LANCL2: variants seen among roughly 807,000 people sequenced by gnomAD.
LANCL2 encodes the protein LanC like glutathione S-transferase 2.
Under a neutral mutation model 56.9 loss-of-function variants are expected in LANCL2, and 33 were observed. That is an observed-to-expected ratio of 0.58 (90% CI 0.44 to 0.78). The LOEUF (loss-of-function observed/expected upper bound fraction) is 0.78, where lower values mean the gene tolerates loss of function less well. Among genes scored for constraint, LANCL2 ranks in the 30% least tolerant of loss-of-function variants. LANCL2 has a pLI of 0.00. For missense variants in LANCL2, 562 were observed against 580.2 expected, an observed-to-expected ratio of 0.97 and a Z score of 0.32; for synonymous variants, 233 against 228.2, an observed-to-expected ratio of 1.02 and a Z score of -0.19.
Position 55,401,161 on chromosome 7 carries a change from G to T in LANCL2, c.679-13G>T. On this transcript the variant is annotated splice_polypyrimidine_tract_variant and intron_variant, in intron 4 of 8. Transcript: ENST00000254770. Reference sequence around the variant, plus strand: ...TACAGTTTTAGATTTATGCTGTCTTGTTATCTCTGTAGGTAGTCAATGCTA... The same window carrying T: ...TACAGTTTTAGATTTATGCTGTCTTTTTATCTCTGTAGGTAGTCAATGCTA... The T allele has an allele frequency of 6.2e-7, 1 of 1,612,724 alleles. No homozygotes were observed. Among genetic ancestry groups the T allele is most frequent in the Non-Finnish European group, 8.5e-7 (1 of 1,178,904 alleles).
chr7:55,423,332 G>A (rs756227058), intron 6 of LANCL2, among the ~76,000 whole-genome samples: 4 of 152,158 alleles, frequency 2.6e-5, no homozygotes, highest in African/African-American at 7.2e-5. Flanking sequence ...GCGCAGGGAC[G>A]GCATGAAGGA....
intron 1 of LANCL2, among the ~76,000 whole-genome samples, chr7:55,369,257 A>G (rs1298043071): frequency 2.0e-5 from 3 of 152,180 alleles, no homozygotes; most frequent in African/African-American, 7.2e-5. Flanking sequence ...GTTAATTTGT[A>G]AGTTAAGCAT....
chr7:55,406,740 A>G (rs1033784068), intron 5 of LANCL2, among the ~76,000 whole-genome samples: 8 of 152,218 alleles, frequency 5.3e-5, no homozygotes, highest in African/African-American at 1.7e-4. Flanking sequence ...AAAGAACTCC[A>G]CTTTCATGAT....
chr7:55,405,862 AG>A (rs1222492766), intron 5 of LANCL2, among the ~76,000 whole-genome samples: 4 of 150,758 alleles, frequency 2.7e-5, no homozygotes, highest in African/African-American at 9.8e-5. Flanking sequence ...AGATTGAGCC[AG>A]GTTTTCTTTC....
intron 1 of LANCL2, among the ~76,000 whole-genome samples, chr7:55,366,961 C>T (rs1789881746): frequency 6.6e-6 from 1 of 152,160 alleles, no homozygotes; most frequent in South Asian, 2.1e-4. Context: ...CTCCGCCTTG[C>T]TCGGCTCTGG....
intron 7 of LANCL2, 112 bp downstream of exon 7, chr7:55,425,542 T>A: frequency 1.0e-6 from 1 of 967,964 alleles, no homozygotes; most frequent in Non-Finnish European, 1.6e-6. Flanking sequence ...CCCAGTTCTG[T>A]AGCTTCCTCT....
rs1411757651 is a variant in LANCL2, at chr7:55,433,046, A to G, written c.*1726A>G. On this transcript the variant is annotated 3_prime_UTR_variant, in exon 9 of 9. Transcript: ENST00000254770. ...TGTTCCCATCCTCCCCACCCACCAC[A>G]TCAAAACATAACACATCACAGCACT... is the stretch of plus-strand genomic sequence containing the variant. The G allele has an allele frequency of 6.6e-6, 1 of 152,424 alleles. No individual in the cohort carries two copies. The highest frequency in any genetic ancestry group is 1.9e-4 in the East Asian group (1 of 5,174). 9.4% of individuals were successfully genotyped at this position (152,424 alleles called of 1,614,324 possible). A position where few individuals can be genotyped will look rare whatever the true frequency, so the allele number is the denominator to read the frequency against.
chr7:55,402,728 G>A lies in LANCL2; in HGVS notation c.825+1408G>A, dbSNP rs1451760192. Among the ~76,000 whole-genome samples, 29 of 127,392 alleles carry A rather than the reference G, an allele frequency of 2.3e-4. 5 individuals carry two copies. Among genetic ancestry groups the A allele is most frequent in the Non-Finnish European group, 3.8e-4 (22 of 57,218 alleles). The allele number at this position is 127,392 out of a possible 152,430, so 83.6% of individuals were successfully genotyped here. ...CCCCCACCTCCCTCCCAGACGGGGT[G>A]GCTGCCGGGCGGAGACGCTCCTCAC... On this transcript the variant is annotated intron_variant, in intron 5 of 8. Coordinates refer to ENST00000254770, the MANE Select transcript of LANCL2 (RefSeq NM_018697.4).
Position 55,401,200 on chromosome 7 carries a change from TAAGACTTTGTCAAGGG to T in LANCL2, c.710_725del (p.Thr237LysfsTer32). The T allele has an allele frequency of 1.2e-6, 2 of 1,614,094 alleles. No individual in the cohort carries two copies. The highest frequency in any genetic ancestry group is 1.7e-6 in the Non-Finnish European group (2 of 1,180,002). On this transcript the variant is annotated frameshift_variant, in exon 5 of 9. Coordinates refer to ENST00000254770, the MANE Select transcript of LANCL2 (RefSeq NM_018697.4). LOFTEE classifies it high-confidence loss of function. ...TAGTCAATGCTATTATTGAATCGGG[TAAGACTTTGTCAAGGG>T]AAGAAAGAAAAACGGAGCGCTGCCC...
In LANCL2 at chr7:55,392,680, A is replaced by G. The variant is rs193190291; in HGVS notation, c.322+770A>G. Among the ~76,000 whole-genome samples the G allele has an allele frequency of 1.5e-4, 23 of 152,202 alleles. No homozygotes were observed. In the East Asian group the frequency reaches 3.5e-3, roughly 23 times the overall value. On this transcript the variant is annotated intron_variant, in intron 2 of 8. Transcript: ENST00000254770. ...TACCTTTTAATTGAGGTCTTGCTCTATGTCTTCAATGATGAGATGATTTGG... is the reference window on the plus strand; with the variant it reads ...TACCTTTTAATTGAGGTCTTGCTCTGTGTCTTCAATGATGAGATGATTTGG...
At chr7:55,424,486 G>A (rs1357807956) in intron 6 of LANCL2, among the ~76,000 whole-genome samples, 1 of 152,130 alleles carries the variant, frequency 6.6e-6, no homozygotes, top group Admixed American at 6.6e-5. Context: ...CCTGCTAACA[G>A]GGCCTCACTC....
At chr7:55,406,219 T>C (rs1392762788) in intron 5 of LANCL2, among the ~76,000 whole-genome samples, 2 of 152,074 alleles carry the variant, frequency 1.3e-5, no homozygotes, top group Non-Finnish European at 2.9e-5. Context: ...GTTCAGAAAA[T>C]GGTGGCACAA....
chr7:55,414,455 A>G (rs7794120), intron 6 of LANCL2, among the ~76,000 whole-genome samples: 96,259 of 152,058 alleles, frequency 0.63, 31,070 homozygotes, highest in Admixed American at 0.71. Flanking sequence ...ATGAAGTCCT[A>G]AGTTGTTCAG....
chr7:55,423,748 A>T (rs953240378), intron 6 of LANCL2, among the ~76,000 whole-genome samples: 2 of 152,214 alleles, frequency 1.3e-5, no homozygotes, highest in African/African-American at 4.8e-5. Context: ...AAACTAAGAC[A>T]TAGACTTTCA....
chr7:55,380,422 T>C (rs540622184), intron 1 of LANCL2, among the ~76,000 whole-genome samples: 1 of 152,230 alleles, frequency 6.6e-6, no homozygotes, highest in East Asian at 1.9e-4. Context: ...ATTGTTTTTT[T>C]TTTTTTTAAC....
intron 6 of LANCL2, among the ~76,000 whole-genome samples, chr7:55,412,294 T>A (rs538668760): frequency 9.2e-5 from 14 of 152,316 alleles, no homozygotes; most frequent in African/African-American, 3.4e-4. Flanking sequence ...ATGTGTGTGA[T>A]TGTGTGTGTT....
In LANCL2 at chr7:55,365,619, G is replaced by A. The variant is rs552325987; in HGVS notation, c.-407G>A. The stretch of plus-strand genomic sequence containing the variant: ...GCGTTCGGTTTTCTTTGGAAATCGC[G>A]GAGGGGGCTGGCCGGGCGCAGCGAT... On this transcript the variant is annotated 5_prime_UTR_variant, in exon 1 of 9. Transcript: ENST00000254770. 2.4e-4 allele frequency: 39 copies of A among 159,414 alleles called. No individual in the cohort carries two copies. Among genetic ancestry groups the A allele is most frequent in the Middle Eastern group, 6.0e-3 (2 of 332 alleles). The allele number at this position is 159,414 out of a possible 1,614,324, so 9.9% of individuals were successfully genotyped here.
Position 55,365,464 on chromosome 7 carries a change from G to A in LANCL2, c.-562G>A, listed in dbSNP as rs1789845398. The A allele has an allele frequency of 6.6e-6, 1 of 152,334 alleles. No homozygotes were observed. Among genetic ancestry groups the A allele is most frequent in the Non-Finnish European group, 1.5e-5 (1 of 68,110 alleles). The allele number at this position is 152,334 out of a possible 1,614,324, so 9.4% of individuals were successfully genotyped here. ...TATTCCTTTGGGCTGGCGCAGCAGGGGCCGGTGAAATGCAGGCTGACGACG... is the reference window on the plus strand; with the variant it reads ...TATTCCTTTGGGCTGGCGCAGCAGGAGCCGGTGAAATGCAGGCTGACGACG... On this transcript the variant is annotated 5_prime_UTR_variant, in exon 1 of 9. Coordinates refer to ENST00000254770, the MANE Select transcript of LANCL2 (RefSeq NM_018697.4).
At chr7:55,390,879 A>G (rs1190052396) in intron 1 of LANCL2, among the ~76,000 whole-genome samples, 2 of 152,040 alleles carry the variant, frequency 1.3e-5, no homozygotes, top group East Asian at 3.8e-4. Context: ...ACTGCCAACA[A>G]TGAATAAGAA....
Sources: gnomAD v4.1 joint callset for allele counts (sites outside exome capture counted in the v4.1 genomes callset) on GRCh38, gnomAD v4.1.1 for gene constraint, MANE v1.5 for transcripts, NCBI Gene and HGNC (gene_info 2026-07-23, HGNC 2026-07-21) for gene names.